The following TMPRSS11D variants were observed in gnomAD, a reference collection of about 807,000 sequenced individuals.
The protein encoded by TMPRSS11D is transmembrane protease serine 11D.
A neutral mutation model predicts 44.4 loss-of-function variants in TMPRSS11D; 32 were observed. The ratio of observed to expected loss-of-function variants is 0.72; its 90% confidence interval spans 0.54 to 0.97. The LOEUF (loss-of-function observed/expected upper bound fraction) is 0.97, where lower values mean the gene tolerates loss of function less well. Ranked by LOEUF, TMPRSS11D falls within the 50% of genes least tolerant of loss-of-function variation. The pLI is 0.00. For synonymous variants in TMPRSS11D, 179 were observed against 177.9 expected (o/e 1.01, Z -0.05); for missense variants, 446 against 502.6 (o/e 0.89, Z 1.08).
At chr4:67,853,454 A>G (rs1718556513) in intron 3 of TMPRSS11D, among the ~76,000 whole-genome samples, 1 of 152,010 alleles carries the variant, frequency 6.6e-6, no homozygotes, top group Non-Finnish European at 1.5e-5. Flanking sequence ...CTTTTTTTTG[A>G]AAAGGTAAGG....
intron 2 of TMPRSS11D, among the ~76,000 whole-genome samples, chr4:67,854,996 C>T (rs1253971390): frequency 2.0e-5 from 2 of 101,842 alleles, no homozygotes; most frequent in African/African-American, 6.5e-5. Context: ...GTGGCTCATG[C>T]CTGTAATCCC....
chr4:67,865,603 T>C (rs1235242394), intron 1 of TMPRSS11D, among the ~76,000 whole-genome samples: 1 of 151,300 alleles, frequency 6.6e-6, no homozygotes, highest in Non-Finnish European at 1.5e-5. Context: ...AGAAAAAAAG[T>C]GCAGATTCAA....
intron 3 of TMPRSS11D, among the ~76,000 whole-genome samples, chr4:67,847,009 A>T (rs1299875017): frequency 6.6e-6 from 1 of 151,916 alleles, no homozygotes; most frequent in Non-Finnish European, 1.5e-5. Flanking sequence ...GGTTCAAGTG[A>T]TTCTCCTGCC....
At chr4:67,882,017 G>A (rs1271813094) in intron 1 of TMPRSS11D, among the ~76,000 whole-genome samples, 1 of 152,140 alleles carries the variant, frequency 6.6e-6, no homozygotes. Context: ...AAAATCTAGA[G>A]TGACCAAGGA....
chr4:67,848,659 G>T (rs561747292), intron 3 of TMPRSS11D, among the ~76,000 whole-genome samples: 4 of 152,190 alleles, frequency 2.6e-5, no homozygotes, highest in Admixed American at 1.3e-4. Context: ...GGAAGAATCA[G>T]ACTTAGCTGA....
intron 1 of TMPRSS11D, among the ~76,000 whole-genome samples, chr4:67,878,684 G>C (rs1719251159): frequency 6.6e-6 from 1 of 152,148 alleles, no homozygotes; most frequent in South Asian, 2.1e-4. Flanking sequence ...CCAGCACTTT[G>C]GGAGGCCGAG....
chr4:67,862,710 T>G (rs1451073352), intron 1 of TMPRSS11D, among the ~76,000 whole-genome samples: 2 of 152,062 alleles, frequency 1.3e-5, no homozygotes, highest in Non-Finnish European at 2.9e-5. Context: ...ATATACACCA[T>G]GGAATACTAT....
chr4:67,835,058 G>C (rs543076325), intron 6 of TMPRSS11D, 25 bp downstream of exon 6: 4 of 1,608,078 alleles, frequency 2.5e-6, no homozygotes, highest in Non-Finnish European at 3.4e-6. Flanking sequence ...GCAAATTACA[G>C]TTACAAAATA....
intron 2 of TMPRSS11D, among the ~76,000 whole-genome samples, chr4:67,855,660 C>G (rs973080235): frequency 6.6e-6 from 1 of 152,174 alleles, no homozygotes; most frequent in East Asian, 1.9e-4. Flanking sequence ...ACTTTCATCA[C>G]TCCTATTCAA....
intron 1 of TMPRSS11D, among the ~76,000 whole-genome samples, chr4:67,868,746 A>G (rs17088732): frequency 0.032 from 4,854 of 152,172 alleles, 248 homozygotes; most frequent in African/African-American, 0.11. Flanking sequence ...TTGAAATGAG[A>G]AGTTAAAGAA....
chr4:67,846,882 C>T (rs1252825887), intron 3 of TMPRSS11D, among the ~76,000 whole-genome samples: 1 of 149,106 alleles, frequency 6.7e-6, no homozygotes, highest in Non-Finnish European at 1.5e-5. Flanking sequence ...AGTCTTCTCT[C>T]TATAGCATGA....
intron 1 of TMPRSS11D, among the ~76,000 whole-genome samples, chr4:67,882,863 TG>T (rs1246354044): frequency 7.4e-5 from 11 of 149,188 alleles, no homozygotes; most frequent in Non-Finnish European, 1.5e-4. Context: ...TTTTGTGATT[TG>T]TTTTTTTCAC....
chr4:67,823,076 C>T (rs2109653380), intron 9 of TMPRSS11D, among the ~76,000 whole-genome samples: 1 of 152,252 alleles, frequency 6.6e-6, no homozygotes, highest in African/African-American at 2.4e-5. Context: ...CTATAAGGTC[C>T]AACACGAAAG....
chr4:67,827,231 A>G (rs1166954770), intron 8 of TMPRSS11D, 30 bp downstream of exon 8: 1 of 1,565,018 alleles, frequency 6.4e-7, no homozygotes, highest in Non-Finnish European at 8.6e-7. Context: ...AGACATTTCT[A>G]TTGTTAATTT....
intron 7 of TMPRSS11D, among the ~76,000 whole-genome samples, chr4:67,829,873 T>C (rs1577804290): frequency 6.6e-6 from 1 of 152,066 alleles, no homozygotes; most frequent in South Asian, 2.1e-4. Flanking sequence ...TAAATGTTGA[T>C]GTGGAGGGAA....
At chr4:67,844,094 T>C (rs1395212622) in intron 3 of TMPRSS11D, among the ~76,000 whole-genome samples, 1 of 152,206 alleles carries the variant, frequency 6.6e-6, no homozygotes, top group Non-Finnish European at 1.5e-5. Flanking sequence ...GTCAGATGTA[T>C]TGTGGTTTCA....
intron 1 of TMPRSS11D, among the ~76,000 whole-genome samples, chr4:67,862,021 G>A (rs1427019850): frequency 1.3e-5 from 2 of 152,196 alleles, no homozygotes; most frequent in South Asian, 4.1e-4. Flanking sequence ...TGCTTTTAAA[G>A]CAGGGTCTTG....
chr4:67,838,366 A>ACGG, intron 4 of TMPRSS11D, 37 bp from the exon 5 acceptor site: 1 of 1,489,008 alleles, frequency 6.7e-7, no homozygotes, highest in South Asian at 1.4e-5. Context: ...AACAAATAAT[A>ACGG]TGACAATTTT....
intron 5 of TMPRSS11D, among the ~76,000 whole-genome samples, chr4:67,835,862 G>A (rs1172671511): frequency 6.6e-6 from 1 of 152,068 alleles, no homozygotes; most frequent in East Asian, 1.9e-4. Context: ...GAGAGCTAGT[G>A]CATGTGTTGT....
Sources: gnomAD v4.1 joint callset for allele counts (sites outside exome capture counted in the v4.1 genomes callset) on GRCh38, gnomAD v4.1.1 for gene constraint, MANE v1.5 for transcripts, NCBI Gene and HGNC (gene_info 2026-07-23, HGNC 2026-07-21) for gene names.